The following VPS8 variants were observed in gnomAD, a reference collection of about 807,000 sequenced individuals.
The protein encoded by VPS8 is VPS8 subunit of CORVET complex.
In VPS8, 129 loss-of-function variants were observed where a neutral mutation model predicts 216.4. The observed-to-expected ratio is 0.60, with a 90% CI of 0.52 to 0.69. VPS8 has a LOEUF of 0.69. VPS8 is among the 30% of genes least tolerant of loss of function. The pLI, the probability that VPS8 is intolerant of heterozygous loss-of-function variation, is 0.00. For missense variants in VPS8, 1,531 were observed against 1,683.5 expected, an observed-to-expected ratio of 0.91 and a Z score of 1.59; for synonymous variants, 571 against 565.4, an observed-to-expected ratio of 1.01 and a Z score of -0.14.
At position 184,894,589 on chromosome 3, in the gene VPS8, A is replaced by C. The variant is rs1733034907; in HGVS notation, c.1782-114A>C. ...CTCTGTGAATATTATTGCCATTTTA[A>C]ATAAACTCATGAGTAAGTTGAAGTA... is the stretch of plus-strand genomic sequence containing the variant. On this transcript the variant is annotated intron_variant, in intron 22 of 47. Transcript: ENST00000625842. 8 of 786,280 alleles carry C rather than the reference A, an allele frequency of 1.0e-5. No homozygotes were observed. The Admixed American group carries it at 2.3e-4, about 23-fold the overall frequency. The allele number at this position is 786,280 out of a possible 1,614,324, so 48.7% of individuals were successfully genotyped here.
Position 184,902,703 on chromosome 3 carries a change from G to C in VPS8, c.2146+1731G>C, listed in dbSNP as rs1313229400. ...AAATTAGCCGGGCGTGGTGGCGCGT[G>C]CCTGTAGTCCCAGCTACTCAGGAGG... is the stretch of plus-strand genomic sequence containing the variant. On this transcript the variant is annotated intron_variant, in intron 25 of 47. Coordinates refer to ENST00000625842, the MANE Select transcript of VPS8 (RefSeq NM_001009921.3). Among the ~76,000 whole-genome samples, 3 of 151,546 alleles carry C rather than the reference G, an allele frequency of 2.0e-5. No homozygotes were observed. In the East Asian group the frequency reaches 5.9e-4, roughly 30 times the overall value.
chr3:185,038,499 C>T (rs984486272), intron 46 of VPS8, among the ~76,000 whole-genome samples: 1 of 152,192 alleles, frequency 6.6e-6, no homozygotes, highest in African/African-American at 2.4e-5. Flanking sequence ...GCAAAGTAGC[C>T]AGCCTGTAGT....
At chr3:184,849,354 A>G in intron 9 of VPS8, 159 bp downstream of exon 9, 1 of 809,294 alleles carries the variant, frequency 1.2e-6, no homozygotes, top group East Asian at 3.1e-5. Context: ...CTTGTTCAAA[A>G]TTTTACATAA....
At chr3:184,977,112 C>T (rs1349406464) in intron 40 of VPS8, among the ~76,000 whole-genome samples, 2 of 152,260 alleles carry the variant, frequency 1.3e-5, no homozygotes, top group Admixed American at 6.5e-5. Flanking sequence ...TCCTCCGCAG[C>T]GTTGTGAATG....
chr3:184,966,658 T>G lies in VPS8; in HGVS notation c.3274-13T>G. On this transcript the variant is annotated splice_polypyrimidine_tract_variant and intron_variant, in intron 38 of 47. Coordinates refer to ENST00000625842, the MANE Select transcript of VPS8 (RefSeq NM_001009921.3). Reference sequence around the variant, plus strand: ...TGTTCCTTTTTAACTCCTATGTTCTTTTTATCTCCTAGAGACTACAAAGCA... The same window carrying G: ...TGTTCCTTTTTAACTCCTATGTTCTGTTTATCTCCTAGAGACTACAAAGCA... 1 of 1,552,198 alleles carries G rather than the reference T, an allele frequency of 6.4e-7. No individual in the cohort carries two copies. The highest frequency in any genetic ancestry group is 2.3e-5 in the East Asian group (1 of 43,964).
intron 23 of VPS8, among the ~76,000 whole-genome samples, chr3:184,896,640 A>G (rs1413230270): frequency 6.6e-6 from 1 of 152,130 alleles, no homozygotes; most frequent in African/African-American, 2.4e-5. Context: ...TTTTAACAGC[A>G]TTTGTTCGTT....
At chr3:184,878,937 C>T (rs748731490) in intron 21 of VPS8, among the ~76,000 whole-genome samples, 5 of 151,986 alleles carry the variant, frequency 3.3e-5, no homozygotes, top group Admixed American at 6.6e-5. Context: ...TTGGTGTATG[C>T]GTGTATACAT....
chr3:184,894,573 T>G, intron 22 of VPS8, 130 bp from the exon 23 acceptor site: 1 of 629,482 alleles, frequency 1.6e-6, no homozygotes, highest in South Asian at 2.1e-5. Flanking sequence ...ACTCTGTGAA[T>G]ATTATTGCCA....
intron 21 of VPS8, among the ~76,000 whole-genome samples, chr3:184,882,989 T>G (rs1382815730): frequency 6.6e-6 from 1 of 152,188 alleles, no homozygotes; most frequent in African/African-American, 2.4e-5. Flanking sequence ...ATAAAACACC[T>G]TAACTAAAAA....
Position 184,838,744 on chromosome 3 carries a change from A to G in VPS8, c.478A>G (p.Ile160Val). The G allele has an allele frequency of 6.5e-7, 1 of 1,543,542 alleles. No individual in the cohort carries two copies. The highest frequency in any genetic ancestry group is 8.7e-7 in the Non-Finnish European group (1 of 1,144,572). Reference sequence around the variant, plus strand: ...AGTAGATGCTGGCTTGCCTACAGCAATTGTAAGTATACTTTAACTTTTTAA... The same window carrying G: ...AGTAGATGCTGGCTTGCCTACAGCAGTTGTAAGTATACTTTAACTTTTTAA... ...DKVDAGLPTA[I>V]AVSSLIAVGT... is the part of the protein sequence containing the mutation. The change falls in exon 6 of 48, where the codon ATT becomes GTT. Residue 160 changes from isoleucine (I) to valine (V), a missense_variant and splice_region_variant. Ile to Val is a conservative substitution (Grantham distance 29, BLOSUM62 3). Coordinates refer to ENST00000625842, the MANE Select transcript of VPS8 (RefSeq NM_001009921.3).
intron 46 of VPS8, among the ~76,000 whole-genome samples, chr3:185,033,428 G>A (rs775554515): frequency 6.6e-6 from 1 of 152,156 alleles, no homozygotes; most frequent in African/African-American, 2.4e-5. Context: ...CAGCATTTAG[G>A]GTTCCTTGGT....
intron 35 of VPS8, among the ~76,000 whole-genome samples, chr3:184,937,174 A>G (rs1741794747): frequency 6.6e-6 from 1 of 152,220 alleles, no homozygotes; most frequent in Admixed American, 6.5e-5. Context: ...CTCAGTTAGA[A>G]GTACTATTGA....
At chr3:184,962,984 T>G (rs1746786410) in intron 37 of VPS8, among the ~76,000 whole-genome samples, 2 of 152,156 alleles carry the variant, frequency 1.3e-5, no homozygotes, top group Non-Finnish European at 2.9e-5. Context: ...TGCCATATAC[T>G]AAACTCCCAA....
chr3:185,002,342 C>T (rs1237094980), intron 45 of VPS8, among the ~76,000 whole-genome samples: 1 of 152,164 alleles, frequency 6.6e-6, no homozygotes, highest in African/African-American at 2.4e-5. Context: ...TTGCCCTCTT[C>T]CTATGTTCCC....
chr3:185,038,928 G>A (rs1264294059), intron 46 of VPS8, among the ~76,000 whole-genome samples: 3 of 152,192 alleles, frequency 2.0e-5, no homozygotes, highest in East Asian at 1.9e-4. Context: ...CATTCCATGA[G>A]TAGAGGCTTC....
In VPS8 at chr3:184,860,967, G is replaced by GC. The variant is rs1174559381; in HGVS notation, c.1224+909dup. 1.2e-3 allele frequency among the ~76,000 whole-genome samples: 178 copies of GC among 151,476 alleles called. 1 individual carries two copies. The highest frequency in any genetic ancestry group is 6.8e-3 in the Middle Eastern group (2 of 294). The stretch of plus-strand genomic sequence containing the variant: ...CTCCCGAGTAGCTGGGACTACAGGT[G>GC]CCCCCCCATCACGCCTGGCTAATTT... On this transcript the variant is annotated intron_variant, in intron 15 of 47. Transcript: ENST00000625842.
chr3:184,941,251 T>TCTTGAATAGGCTGTGGTACATTTAAAC (rs1742633208), intron 36 of VPS8, among the ~76,000 whole-genome samples: 8 of 152,158 alleles, frequency 5.3e-5, no homozygotes, highest in Admixed American at 2.0e-4. Context: ...ACCATTTAAA[T>TCTTGAATAGGCTGTGGTACATTTAAAC]CTTGAATAGG....
Position 184,924,968 on chromosome 3 carries a change from C to T in VPS8, c.2561C>T (p.Thr854Ile), listed in dbSNP as rs754687438. The T allele has an allele frequency of 3.1e-6, 5 of 1,613,614 alleles. No individual in the cohort carries two copies. In the East Asian group the frequency reaches 8.9e-5, roughly 29 times the overall value. Residue 854 changes from threonine to isoleucine, a missense_variant, in exon 30 of 48, where the codon ACA becomes ATA. Around this residue, in one of 3 missense-constraint regions of VPS8, gnomAD observed 1,318 missense variants for 1,468.4 expected, o/e 0.90. Coordinates refer to ENST00000625842, the MANE Select transcript of VPS8 (RefSeq NM_001009921.3). Reference protein sequence around the residue: ...KPDNTLFVNRTLFDQVLEFLC... With the variant: ...KPDNTLFVNRILFDQVLEFLC... ...GACAACACCTTGTTTGTAAACAGAA[C>T]ACTTTTTGATCAGGTAAGTGTCTAG...
In VPS8 at chr3:184,838,878, A is replaced by G. The variant is rs1026624312; in HGVS notation, c.480+132A>G. ...TTCACAAGTCATTTTACTGCCAGTA[A>G]TCAGGTTTAACATTTATCCATGTTG... On this transcript the variant is annotated intron_variant, in intron 6 of 47. Transcript: ENST00000625842. 9.9e-6 allele frequency: 7 copies of G among 703,562 alleles called. No individual in the cohort carries two copies. The African/African-American group carries it at 1.1e-4, about 11-fold the overall frequency. The allele number at this position is 703,562 out of a possible 1,614,324, so 43.6% of individuals were successfully genotyped here.
Sources: allele counts gnomAD v4.1 joint callset (sites outside exome capture counted in the v4.1 genomes callset), GRCh38; gene constraint gnomAD v4.1.1; regional missense constraint gnomAD v4.1.1; transcripts MANE v1.5; gene names NCBI Gene and HGNC (gene_info 2026-07-23, HGNC 2026-07-21).